Variants in PTPRG observed in about 807,000 individuals in gnomAD.
PTPRG encodes the protein receptor-type tyrosine-protein phosphatase gamma.
Under a neutral mutation model 165.3 loss-of-function variants are expected in PTPRG, and 102 were observed. The observed-to-expected ratio is 0.62, with a 90% CI of 0.53 to 0.73. PTPRG has a LOEUF of 0.73. PTPRG is among the 30% of genes least tolerant of loss of function. PTPRG has a pLI of 0.00. For synonymous variants in PTPRG, 675 were observed against 669.5 expected, an observed-to-expected ratio of 1.01 and a Z score of -0.13; for missense variants, 1,866 against 1,861.4, an observed-to-expected ratio of 1.00 and a Z score of -0.05.
rs558855795 is a variant in PTPRG, at chr3:62,201,691, T to A, written c.1377+137T>A. On this transcript the variant is annotated intron_variant, in intron 11 of 29. Coordinates refer to ENST00000474889, the MANE Select transcript of PTPRG (RefSeq NM_002841.4). ...CGGTTATAGTAGAGAAAAAATTACA[T>A]TATTCACTTTTTATAATTCAGTACC... The A allele has an allele frequency of 1.8e-5, 11 of 617,800 alleles. 1 individual carries two copies. The South Asian group carries it at 3.7e-4, about 21-fold the overall frequency. The allele number at this position is 617,800 out of a possible 1,614,324, so 38.3% of individuals were successfully genotyped here.
At position 61,975,789 on chromosome 3, in the gene PTPRG, T is replaced by C. The variant is rs188838034; in HGVS notation, c.191-13836T>C. Among the ~76,000 whole-genome samples the C allele has an allele frequency of 6.8e-4, 103 of 152,312 alleles. 1 individual carries two copies. The highest frequency in any genetic ancestry group is 6.7e-3 in the Admixed American group (102 of 15,296). On this transcript the variant is annotated intron_variant, in intron 2 of 29. Transcript: ENST00000474889. ...GTTTAGCCCCTAAAATTATAATAATTCCTGTGGTCTGTAAAGATTTTCATC... is the reference window on the plus strand; with the variant it reads ...GTTTAGCCCCTAAAATTATAATAATCCCTGTGGTCTGTAAAGATTTTCATC...
intron 1 of PTPRG, among the ~76,000 whole-genome samples, chr3:61,653,675 T>G (rs987759538): frequency 5.9e-5 from 9 of 152,118 alleles, no homozygotes; most frequent in African/African-American, 2.2e-4. Context: ...GCCCTGCCAT[T>G]TTCTCAGATG....
At chr3:61,831,484 G>T (rs1348208155) in intron 2 of PTPRG, among the ~76,000 whole-genome samples, 1 of 151,698 alleles carries the variant, frequency 6.6e-6, no homozygotes, top group East Asian at 1.9e-4. Context: ...TTTTGTTTTT[G>T]TTTTTTTTAA....
intron 12 of PTPRG, among the ~76,000 whole-genome samples, chr3:62,208,477 T>A (rs1700282461): frequency 6.6e-6 from 1 of 152,212 alleles, no homozygotes; most frequent in Non-Finnish European, 1.5e-5. Flanking sequence ...AAACTCAGTA[T>A]GTGAACACTC....
chr3:61,642,300 A>AT (rs373650317), intron 1 of PTPRG, among the ~76,000 whole-genome samples: 29 of 151,964 alleles, frequency 1.9e-4, no homozygotes, highest in African/African-American at 6.8e-4. Context: ...TGTTGGTTCT[A>AT]TTTTTCTCAA....
At chr3:62,158,150 G>A (rs138676184) in intron 7 of PTPRG, among the ~76,000 whole-genome samples, 3 of 152,198 alleles carry the variant, frequency 2.0e-5, no homozygotes, top group African/African-American at 7.2e-5. Flanking sequence ...ACTGGAGATA[G>A]AATTGAGGCA....
At chr3:62,084,885 G>A (rs768234644) in intron 5 of PTPRG, among the ~76,000 whole-genome samples, 9 of 152,114 alleles carry the variant, frequency 5.9e-5, no homozygotes, top group Non-Finnish European at 1.0e-4. Context: ...TCTTACACAC[G>A]GCTAAAACTG....
intron 5 of PTPRG, among the ~76,000 whole-genome samples, chr3:62,082,650 G>A (rs78347121): frequency 0.013 from 2,034 of 152,210 alleles, 40 homozygotes; most frequent in African/African-American, 0.046. Flanking sequence ...TGACTGGCCC[G>A]GACCCCAGTA....
chr3:61,941,069 C>T (rs956646240), intron 2 of PTPRG, among the ~76,000 whole-genome samples: 8 of 152,228 alleles, frequency 5.3e-5, no homozygotes, highest in Non-Finnish European at 1.2e-4. Flanking sequence ...AGTTAATTTA[C>T]AGCTCTGTGC....
At position 61,823,835 on chromosome 3, in the gene PTPRG, A is replaced by G. The variant is rs2107266327; in HGVS notation, c.190+74853A>G. Among the ~76,000 whole-genome samples, 2 of 152,240 alleles carry G rather than the reference A, an allele frequency of 1.3e-5. 1 individual carries two copies. The highest frequency in any genetic ancestry group is 4.2e-4 in the South Asian group (2 of 4,814). ...CTGATAATAAATATCCCTGTTATAA[A>G]TGATGATGAAGCTGGGTGCAGTGGC... On this transcript the variant is annotated intron_variant, in intron 2 of 29. Transcript: ENST00000474889.
intron 5 of PTPRG, among the ~76,000 whole-genome samples, chr3:62,132,212 C>G (rs1001493222): frequency 3.3e-5 from 5 of 152,156 alleles, no homozygotes; most frequent in Non-Finnish European, 5.9e-5. Flanking sequence ...AAGGGAAAAA[C>G]ACAGTCACCA....
intron 2 of PTPRG, among the ~76,000 whole-genome samples, chr3:61,759,358 TATA>T (rs2106958692): frequency 6.6e-6 from 1 of 152,282 alleles, no homozygotes; most frequent in East Asian, 1.9e-4. Flanking sequence ...CACTATAGTA[TATA>T]ATAATGTTTT....
chr3:62,167,144 AGC>A (rs1705020723), intron 7 of PTPRG, among the ~76,000 whole-genome samples: 1 of 152,192 alleles, frequency 6.6e-6, no homozygotes, highest in Non-Finnish European at 1.5e-5. Flanking sequence ...CTGTGTGCTA[AGC>A]AATTTACATA....
At chr3:61,694,856 C>T (rs2030466852) in intron 1 of PTPRG, among the ~76,000 whole-genome samples, 1 of 152,078 alleles carries the variant, frequency 6.6e-6, no homozygotes, top group South Asian at 2.1e-4. Flanking sequence ...GCTATTCATT[C>T]TCATTCTCTC....
intron 1 of PTPRG, among the ~76,000 whole-genome samples, chr3:61,664,371 TC>T (rs1304508478): frequency 2.6e-5 from 4 of 152,188 alleles, no homozygotes; most frequent in Non-Finnish European, 5.9e-5. Context: ...GGGCCATCAC[TC>T]CTTGTCTTAT....
At chr3:61,700,583 A>G (rs554575599) in intron 1 of PTPRG, among the ~76,000 whole-genome samples, 1 of 152,314 alleles carries the variant, frequency 6.6e-6, no homozygotes, top group Non-Finnish European at 1.5e-5. Flanking sequence ...TCCAGCCGTG[A>G]TACTTCAGTG....
intron 14 of PTPRG, among the ~76,000 whole-genome samples, chr3:62,239,342 T>C (rs1489530450): frequency 1.3e-5 from 2 of 151,192 alleles, no homozygotes; most frequent in African/African-American, 4.9e-5. Flanking sequence ...TTTTTCTTTC[T>C]TTCTTTCTTT....
chr3:62,155,494 T>A (rs761533728), intron 6 of PTPRG, among the ~76,000 whole-genome samples: 1 of 152,238 alleles, frequency 6.6e-6, no homozygotes, highest in Non-Finnish European at 1.5e-5. Context: ...ACTAACTTCA[T>A]GGAGTTATTT....
rs1291602235 is a variant in PTPRG at position 62,273,607 on chromosome 3, T to A, written c.3319-91T>A. The A allele has an allele frequency of 7.6e-7, 1 of 1,318,402 alleles. No individual in the cohort carries two copies. Among genetic ancestry groups the A allele is most frequent in the Non-Finnish European group, 1.1e-6 (1 of 930,892 alleles). The allele number at this position is 1,318,402 out of a possible 1,614,324, so 81.7% of individuals were successfully genotyped here. On this transcript the variant is annotated intron_variant, in intron 22 of 29. Coordinates refer to ENST00000474889, the MANE Select transcript of PTPRG (RefSeq NM_002841.4). The surrounding 1 kb of genome is among the most constrained non-coding windows in gnomAD (Gnocchi z 4.1). Reference sequence around the variant, plus strand: ...GAAGGAAATCACTGGGAGGTCCCTGTTAGCAGCAGAATTAAACTAAGGTAC... The same window carrying A: ...GAAGGAAATCACTGGGAGGTCCCTGATAGCAGCAGAATTAAACTAAGGTAC...
Sources: gnomAD v4.1 joint callset for allele counts (sites outside exome capture counted in the v4.1 genomes callset) on GRCh38, gnomAD v4.1.1 for gene constraint, Gnocchi (gnomAD v3.1) non-coding constraint, MANE v1.5 for transcripts, NCBI Gene and HGNC (gene_info 2026-07-23, HGNC 2026-07-21) for gene names.